The following CSMD1 variants were observed in gnomAD, a reference collection of about 807,000 sequenced individuals.
CSMD1 encodes CUB and Sushi multiple domains 1.
Under a neutral mutation model 417.5 loss-of-function variants are expected in CSMD1, and 213 were observed. That is an observed-to-expected ratio of 0.51 (90% CI 0.46 to 0.57). CSMD1 has a LOEUF of 0.57. Ranked by LOEUF, CSMD1 falls within the 20% of genes least tolerant of loss-of-function variation. The pLI, the probability that CSMD1 is intolerant of heterozygous loss-of-function variation, is 0.00. For synonymous variants in CSMD1, 2,862 were observed against 1,736.8 expected, an observed-to-expected ratio of 1.65 and a Z score of -16.11; for missense variants, 6,923 against 4,529.7, an observed-to-expected ratio of 1.53 and a Z score of -15.17.
chr8:4,116,236 C>A (rs1802139457), intron 3 of CSMD1, among the ~76,000 whole-genome samples: 2 of 152,088 alleles, frequency 1.3e-5, no homozygotes, highest in African/African-American at 4.8e-5. Context: ...TCAGGTGATC[C>A]ACAAGCCTCA....
intron 6 of CSMD1, among the ~76,000 whole-genome samples, chr8:3,723,816 G>A (rs181017973): frequency 2.6e-5 from 4 of 152,142 alleles, no homozygotes; most frequent in African/African-American, 4.8e-5. Flanking sequence ...GCAACTTACT[G>A]CTACCAAATC....
At chr8:4,485,112 G>C (rs947815468) in intron 2 of CSMD1, among the ~76,000 whole-genome samples, 10 of 149,860 alleles carry the variant, frequency 6.7e-5, no homozygotes, top group African/African-American at 1.5e-4. Flanking sequence ...TCTGTATTCA[G>C]GTTTTTCCAA....
intron 26 of CSMD1, among the ~76,000 whole-genome samples, chr8:3,242,368 G>C (rs1262350992): frequency 3.3e-5 from 5 of 151,686 alleles, no homozygotes; most frequent in African/African-American, 1.2e-4. Context: ...TGGGACTGAG[G>C]GGACAGGTAG....
chr8:3,535,092 G>C (rs930216881), intron 10 of CSMD1, among the ~76,000 whole-genome samples: 1 of 151,830 alleles, frequency 6.6e-6, no homozygotes, highest in Non-Finnish European at 1.5e-5. Context: ...GGACTACAGG[G>C]TGTACCAACA....
chr8:3,383,744 T>C (rs143196048), intron 18 of CSMD1, among the ~76,000 whole-genome samples: 2 of 151,728 alleles, frequency 1.3e-5, no homozygotes, highest in African/African-American at 4.8e-5. Context: ...CCAATAGAAA[T>C]GGAAGCAAAG....
chr8:4,198,279 G>A (rs969290748), intron 3 of CSMD1, among the ~76,000 whole-genome samples: 1 of 152,232 alleles, frequency 6.6e-6, no homozygotes, highest in African/African-American at 2.4e-5. Flanking sequence ...AGCACAGAAG[G>A]TAAACCCCAG....
chr8:4,823,476 G>A (rs886235442), intron 1 of CSMD1, among the ~76,000 whole-genome samples: 2 of 151,898 alleles, frequency 1.3e-5, no homozygotes, highest in Admixed American at 6.6e-5. Flanking sequence ...GGGCAACCGA[G>A]GATTCCATAG....
chr8:4,426,391 T>A (rs1227076127), intron 2 of CSMD1, among the ~76,000 whole-genome samples: 5 of 149,594 alleles, frequency 3.3e-5, no homozygotes, highest in African/African-American at 1.2e-4. Flanking sequence ...GTATATATAG[T>A]AAACCTTTTT....
intron 6 of CSMD1, 126 bp from the exon 7 acceptor site, chr8:3,708,617 G>C: frequency 2.8e-6 from 2 of 727,220 alleles, no homozygotes; most frequent in Middle Eastern, 2.4e-4. Flanking sequence ...AATGTTCTAA[G>C]AGGTGAATGA....
rs750542598 is a variant in CSMD1 at position 3,075,473 on chromosome 8, G to GT, written c.7474+11623dup. On this transcript the variant is annotated intron_variant, in intron 49 of 69. Coordinates refer to ENST00000635120, the MANE Select transcript of CSMD1 (RefSeq NM_033225.6). ...ATTTTGTATTTTTAGTAGAGACAGGGTTTTTCCACGTTGGTCAGGCTGGTC... is the reference window on the plus strand; with the variant it reads ...ATTTTGTATTTTTAGTAGAGACAGGGTTTTTTCCACGTTGGTCAGGCTGGTC... 3.3e-5 allele frequency among the ~76,000 whole-genome samples: 5 copies of GT among 151,310 alleles called. No individual in the cohort carries two copies. The East Asian group carries it at 6.0e-4, about 18-fold the overall frequency.
intron 26 of CSMD1, among the ~76,000 whole-genome samples, chr8:3,249,591 C>G (rs905186659): frequency 6.6e-6 from 1 of 150,652 alleles, no homozygotes; most frequent in Non-Finnish European, 1.5e-5. Context: ...AGTTTACAAT[C>G]GTATAAATAC....
chr8:3,997,202 G>A (rs13254073), intron 5 of CSMD1, among the ~76,000 whole-genome samples: 69,257 of 152,030 alleles, frequency 0.46, 16,012 homozygotes, highest in East Asian at 0.54. Flanking sequence ...AGAAATTAAG[G>A]CCTTAAACAT....
intron 5 of CSMD1, among the ~76,000 whole-genome samples, chr8:3,929,873 G>T (rs948711780): frequency 6.7e-6 from 1 of 149,792 alleles, no homozygotes; most frequent in Non-Finnish European, 1.5e-5. Context: ...TATTGGTCCC[G>T]CTCATCTCCA....
At chr8:3,444,259 G>T (rs900225803) in intron 12 of CSMD1, among the ~76,000 whole-genome samples, 1 of 152,170 alleles carries the variant, frequency 6.6e-6, no homozygotes, top group South Asian at 2.1e-4. Context: ...AATTACACAA[G>T]ATAAATTTGG....
intron 2 of CSMD1, among the ~76,000 whole-genome samples, chr8:4,496,562 C>A (rs555131994): frequency 6.6e-6 from 1 of 152,140 alleles, no homozygotes; most frequent in Non-Finnish European, 1.5e-5. Context: ...AACTTCGCCT[C>A]GCCTCCTGCC....
chr8:3,183,399 C>T (rs1221759302), intron 36 of CSMD1, among the ~76,000 whole-genome samples: 4 of 145,496 alleles, frequency 2.7e-5, no homozygotes, highest in Non-Finnish European at 4.6e-5. Flanking sequence ...ACGAACTGAA[C>T]GCCTAATCTA....
chr8:4,073,924 C>G (rs1358336537), intron 3 of CSMD1, among the ~76,000 whole-genome samples: 1 of 152,072 alleles, frequency 6.6e-6, no homozygotes, highest in African/African-American at 2.4e-5. Flanking sequence ...TTAATCTATA[C>G]AGACGGTTTT....
intron 10 of CSMD1, among the ~76,000 whole-genome samples, chr8:3,531,448 C>T (rs1476943989): frequency 6.6e-6 from 1 of 152,020 alleles, no homozygotes; most frequent in Non-Finnish European, 1.5e-5. Context: ...CATCACCCCT[C>T]AAAAAATCAA....
intron 18 of CSMD1, among the ~76,000 whole-genome samples, chr8:3,378,980 T>C (rs1048650250): frequency 3.3e-5 from 5 of 152,206 alleles, no homozygotes; most frequent in Admixed American, 2.6e-4. Context: ...GATGACATGA[T>C]TGTATATTTA....
Sources: allele counts gnomAD v4.1 joint callset (sites outside exome capture counted in the v4.1 genomes callset), GRCh38; gene constraint gnomAD v4.1.1; transcripts MANE v1.5; gene names NCBI Gene and HGNC (gene_info 2026-07-23, HGNC 2026-07-21).